Variants in BTAF1 observed in about 807,000 individuals in gnomAD.
BTAF1 encodes B-TFIID TATA-box binding protein associated factor 1.
A neutral mutation model predicts 227.1 loss-of-function variants in BTAF1; 38 were observed. The observed-to-expected ratio is 0.17, with a 90% confidence interval of 0.13 to 0.22. The LOEUF (loss-of-function observed/expected upper bound fraction) is 0.22, where lower values mean the gene tolerates loss of function less well. Among genes scored for constraint, BTAF1 ranks in the 10% least tolerant of loss-of-function variants. The probability of loss-of-function intolerance (pLI) is 1.00; values close to 1 mark genes in which losing one functional copy is unlikely to be tolerated. For missense variants in BTAF1, 1,598 were observed against 2,204.0 expected, an observed-to-expected ratio of 0.73 and a Z score of 5.51; for synonymous variants, 742 against 751.9, an observed-to-expected ratio of 0.99 and a Z score of 0.21.
intron 6 of BTAF1, among the ~76,000 whole-genome samples, chr10:91,955,883 G>A (rs1218961159): frequency 3.3e-5 from 5 of 152,132 alleles, no homozygotes; most frequent in African/African-American, 1.2e-4. Flanking sequence ...CTATTAAGAT[G>A]GAGAGAGGGG....
chr10:91,979,629 T>G (rs950196214), intron 14 of BTAF1, among the ~76,000 whole-genome samples: 1 of 152,154 alleles, frequency 6.6e-6, no homozygotes, highest in Non-Finnish European at 1.5e-5. Context: ...TTAGGTACTT[T>G]GAGCTAGTTA....
At chr10:91,984,132 A>G in intron 18 of BTAF1, 69 bp from the exon 19 acceptor site, 4 of 1,386,704 alleles carry the variant, frequency 2.9e-6, no homozygotes, top group East Asian at 4.7e-5. Context: ...TAGTCTACAA[A>G]TGACGATTTC....
At chr10:91,949,843 CTG>C (rs1281567644) in intron 4 of BTAF1, among the ~76,000 whole-genome samples, 1 of 152,066 alleles carries the variant, frequency 6.6e-6, no homozygotes, top group African/African-American at 2.4e-5. Flanking sequence ...GCCAGAAAGA[CTG>C]TGGGTTTTGG....
At chr10:91,944,361 G>C (rs1845220747) in intron 4 of BTAF1, among the ~76,000 whole-genome samples, 2 of 152,090 alleles carry the variant, frequency 1.3e-5, no homozygotes, top group South Asian at 4.1e-4. Context: ...TATATGATTA[G>C]TATACATACT....
intron 14 of BTAF1, among the ~76,000 whole-genome samples, chr10:91,973,023 A>G (rs1006750691): frequency 6.6e-6 from 1 of 152,216 alleles, no homozygotes; most frequent in Non-Finnish European, 1.5e-5. Flanking sequence ...TCATTGACCT[A>G]TTGTGATAAT....
At chr10:91,970,753 A>G (rs1847236593) in intron 14 of BTAF1, among the ~76,000 whole-genome samples, 1 of 152,222 alleles carries the variant, frequency 6.6e-6, no homozygotes, top group African/African-American at 2.4e-5. Flanking sequence ...ATTATATTAC[A>G]TGGTAAGTTT....
chr10:92,008,820 CTCTA>C lies in BTAF1; in HGVS notation c.3814-6_3814-3del, dbSNP rs759350469. On this transcript the variant is annotated splice_polypyrimidine_tract_variant and splice_region_variant and intron_variant, in intron 26 of 37. Coordinates refer to ENST00000265990, the MANE Select transcript of BTAF1 (RefSeq NM_003972.3). ...ATGTATTCACATTTATGATTTTTCT[CTCTA>C]TCAGGATGGTGTGAACTGGTTAGCA... 5.8e-6 allele frequency: 9 copies of C among 1,557,530 alleles called. No individual in the cohort carries two copies. Among genetic ancestry groups the C allele is most frequent in the East Asian group, 2.3e-5 (1 of 44,306 alleles).
At chr10:92,020,662 A>G (rs528864725) in intron 34 of BTAF1, among the ~76,000 whole-genome samples, 19 of 152,264 alleles carry the variant, frequency 1.2e-4, no homozygotes, top group African/African-American at 4.3e-4. Context: ...CTGAAGAATG[A>G]TTGTTACCTT....
intron 25 of BTAF1, among the ~76,000 whole-genome samples, chr10:92,005,794 A>G (rs1007455045): frequency 1.3e-5 from 2 of 152,080 alleles, no homozygotes; most frequent in East Asian, 3.8e-4. Context: ...TTCTAAAACA[A>G]TGTGTTAGTG....
At chr10:91,963,751 T>G (rs1294681359) in intron 12 of BTAF1, among the ~76,000 whole-genome samples, 3 of 152,238 alleles carry the variant, frequency 2.0e-5, no homozygotes, top group Admixed American at 2.0e-4. Context: ...AGAACATGTC[T>G]TGTGTCTCGA....
chr10:91,943,323 A>G (rs1222465676), intron 4 of BTAF1, among the ~76,000 whole-genome samples: 3 of 152,192 alleles, frequency 2.0e-5, no homozygotes, highest in Non-Finnish European at 4.4e-5. Context: ...CAAAATAAGA[A>G]GAAAAAAATA....
At chr10:91,948,157 C>A (rs1845513004) in intron 4 of BTAF1, among the ~76,000 whole-genome samples, 1 of 151,396 alleles carries the variant, frequency 6.6e-6, no homozygotes, top group African/African-American at 2.4e-5. Flanking sequence ...ATCCCTCCCC[C>A]ATCCCCCCAC....
At chr10:91,983,743 G>C (rs1564693634) in intron 18 of BTAF1, among the ~76,000 whole-genome samples, 1 of 152,090 alleles carries the variant, frequency 6.6e-6, no homozygotes, top group African/African-American at 2.4e-5. Flanking sequence ...GAGTGGGAAG[G>C]GTTAGTTAAA....
At chr10:91,978,727 T>C (rs537840832) in intron 14 of BTAF1, among the ~76,000 whole-genome samples, 2 of 151,750 alleles carry the variant, frequency 1.3e-5, no homozygotes, top group African/African-American at 4.8e-5. Context: ...GACATTTCTA[T>C]CCAATGAAAT....
chr10:91,965,620 A>G (rs1846848549), intron 13 of BTAF1, among the ~76,000 whole-genome samples: 1 of 152,174 alleles, frequency 6.6e-6, no homozygotes, highest in Non-Finnish European at 1.5e-5. Context: ...TGCTTCATAT[A>G]TTGTGATACT....
intron 1 of BTAF1, among the ~76,000 whole-genome samples, chr10:91,929,746 A>G (rs4288679): frequency 0.59 from 90,100 of 151,958 alleles, 30,425 homozygotes; most frequent in East Asian, 0.77. Flanking sequence ...AATAGAGATG[A>G]GGTCTCTCTG....
At position 91,960,085 on chromosome 10, in the gene BTAF1, T is replaced by A; in HGVS notation, c.1194T>A (p.Leu398=). The A allele has an allele frequency of 6.2e-7, 1 of 1,613,946 alleles. No homozygotes were observed. The highest frequency in any genetic ancestry group is 8.5e-7 in the Non-Finnish European group (1 of 1,179,898). Residue 398 remains leucine, a synonymous_variant, in exon 11 of 38, where the codon CTT becomes CTA. Coordinates refer to ENST00000265990, the MANE Select transcript of BTAF1 (RefSeq NM_003972.3). ...CTGTGGATGTGCTGCTAAAATTACT[T>A]ACACAAGAACAATGGGAAGTTAGAC... ...HKTVDVLLKL[L]TQEQWEVRHG...
intron 9 of BTAF1, 41 bp from the exon 10 acceptor site, chr10:91,959,734 GTGTGTGTATA>G (rs947975328): frequency 1.2e-5 from 5 of 430,366 alleles, no homozygotes; most frequent in Admixed American, 8.1e-5. Context: ...GTGTGTGTGT[GTGTGTGTATA>G]TATATATATA....
chr10:92,025,383 C>T (rs1851423831), intron 35 of BTAF1, among the ~76,000 whole-genome samples: 3 of 151,550 alleles, frequency 2.0e-5, no homozygotes. Context: ...CTGGTGAGTG[C>T]AGTGTTCACA....
Sources: allele counts gnomAD v4.1 joint callset (sites outside exome capture counted in the v4.1 genomes callset), GRCh38; gene constraint gnomAD v4.1.1; transcripts MANE v1.5; gene names NCBI Gene and HGNC (gene_info 2026-07-23, HGNC 2026-07-21).